SLC1A3: variants seen among roughly 807,000 people sequenced by gnomAD.
SLC1A3 encodes excitatory amino acid transporter 1.
Under a neutral mutation model 48.1 loss-of-function variants are expected in SLC1A3, and 21 were observed. That is an observed-to-expected ratio of 0.44 (90% CI 0.31 to 0.63). The LOEUF (loss-of-function observed/expected upper bound fraction) is 0.63. Among genes scored for constraint, SLC1A3 ranks in the 20% least tolerant of loss-of-function variants. The pLI, the probability that SLC1A3 is intolerant of heterozygous loss-of-function variation, is 0.08. For synonymous variants in SLC1A3, 239 were observed against 251.4 expected (o/e 0.95, Z 0.47); for missense variants, 546 against 689.0 (o/e 0.79, Z 2.32).
intron 2 of SLC1A3, among the ~76,000 whole-genome samples, chr5:36,621,223 A>T (rs1368506448): frequency 2.6e-5 from 4 of 152,062 alleles, no homozygotes; most frequent in African/African-American, 9.7e-5. Flanking sequence ...ATCTTAAAGG[A>T]GGTAAGTGTT....
chr5:36,612,760 G>C (rs570814426), intron 2 of SLC1A3: 1 of 455,678 alleles, frequency 2.2e-6, no homozygotes, highest in Non-Finnish European at 4.4e-6. Flanking sequence ...AAAAACTGAA[G>C]CCCAAATCCT....
chr5:36,666,814 C>T (rs1195659159), intron 3 of SLC1A3, among the ~76,000 whole-genome samples: 1 of 152,140 alleles, frequency 6.6e-6, no homozygotes, highest in Non-Finnish European at 1.5e-5. Context: ...TACACATTTC[C>T]AAAACATTCC....
chr5:36,609,173 T>C, intron 2 of SLC1A3: 3 of 985,206 alleles, frequency 3.0e-6, no homozygotes, highest in Non-Finnish European at 3.6e-6. Flanking sequence ...TTCATTGCTT[T>C]GCAGAGCCTG....
intron 5 of SLC1A3, 67 bp from the exon 6 acceptor site, chr5:36,676,825 C>A: frequency 8.0e-7 from 1 of 1,246,366 alleles, no homozygotes; most frequent in Non-Finnish European, 1.1e-6. Flanking sequence ...GAAAATTTGA[C>A]AATAGGAAAA....
At chr5:36,632,974 A>G (rs1304207050) in intron 3 of SLC1A3, among the ~76,000 whole-genome samples, 1 of 152,116 alleles carries the variant, frequency 6.6e-6, no homozygotes, top group African/African-American at 2.4e-5. Context: ...CTAGATTTGT[A>G]CTCAAGTACC....
intron 7 of SLC1A3, among the ~76,000 whole-genome samples, 171 bp downstream of exon 7, chr5:36,680,031 G>A (rs1310514778): frequency 4.6e-5 from 7 of 152,176 alleles, no homozygotes. Flanking sequence ...GGAAATGCCT[G>A]GCTACATATC....
chr5:36,638,336 G>T (rs1199990980), intron 3 of SLC1A3, among the ~76,000 whole-genome samples: 1 of 152,126 alleles, frequency 6.6e-6, no homozygotes, highest in East Asian at 1.9e-4. Flanking sequence ...CAGCTTTATT[G>T]CCTGCTGCTC....
At chr5:36,621,528 A>C (rs938192766) in intron 2 of SLC1A3, among the ~76,000 whole-genome samples, 4 of 152,188 alleles carry the variant, frequency 2.6e-5, no homozygotes, top group African/African-American at 9.7e-5. Context: ...TAGGCTGGAG[A>C]GAGGTGAAGT....
At chr5:36,601,104 C>A (rs1196082720) in intron 1 of SLC1A3, among the ~76,000 whole-genome samples, 1 of 152,208 alleles carries the variant, frequency 6.6e-6, no homozygotes, top group Admixed American at 6.5e-5. Flanking sequence ...GTGATGGCAA[C>A]TTTGAGCTGT....
Position 36,652,307 on chromosome 5 carries a change from C to T in SLC1A3, c.320-18722C>T, listed in dbSNP as rs13168598. On this transcript the variant is annotated intron_variant, in intron 3 of 9. Coordinates refer to ENST00000265113, the MANE Select transcript of SLC1A3 (RefSeq NM_004172.5). ...TTTTGGCACTCCCAGCTCCAAGTGG[C>T]GTGAGCGCACACACACATACACACA... Among the ~76,000 whole-genome samples, 224 of 138,984 alleles carry T rather than the reference C, an allele frequency of 1.6e-3. 2 individuals are homozygous for T. The highest frequency in any genetic ancestry group is 5.3e-3 in the African/African-American group (213 of 39,896). The allele number at this position is 138,984 out of a possible 152,430, so 91.2% of individuals were successfully genotyped here.
chr5:36,632,431 G>A (rs890049884), intron 3 of SLC1A3, among the ~76,000 whole-genome samples: 2 of 152,178 alleles, frequency 1.3e-5, no homozygotes, highest in Non-Finnish European at 2.9e-5. Flanking sequence ...AACTGATAAT[G>A]TGGAATTCAC....
Position 36,686,345 on chromosome 5 carries a change from C to A in SLC1A3, c.*76C>A. 8.9e-7 allele frequency: 1 copy of A among 1,119,962 alleles called. No homozygotes were observed. The highest frequency in any genetic ancestry group is 1.4e-6 in the Non-Finnish European group (1 of 733,068). The allele number at this position is 1,119,962 out of a possible 1,614,324, so 69.4% of individuals were successfully genotyped here. On this transcript the variant is annotated 3_prime_UTR_variant, in exon 10 of 10. Coordinates refer to ENST00000265113, the MANE Select transcript of SLC1A3 (RefSeq NM_004172.5). The stretch of plus-strand genomic sequence containing the variant: ...AAAATCTTTCCATCTCATTACAGCT[C>A]ATTCGCTCCAGCAAGCCCGTCATCT...
At chr5:36,597,318 C>G (rs1738755960) in intron 1 of SLC1A3, among the ~76,000 whole-genome samples, 2 of 126,644 alleles carry the variant, frequency 1.6e-5, no homozygotes, top group Non-Finnish European at 3.1e-5. Flanking sequence ...GCGATCTCGG[C>G]TCACTGCAAG....
chr5:36,670,933 G>A lies in SLC1A3; in HGVS notation c.320-96G>A, dbSNP rs565440354. The A allele has an allele frequency of 9.1e-5, 96 of 1,049,834 alleles. No homozygotes were observed. The South Asian group carries it at 1.3e-3, about 14-fold the overall frequency. 65.0% of individuals were successfully genotyped at this position (1,049,834 alleles called of 1,614,324 possible). ...GAAATCCCATGGCTGGGTGGGATAA[G>A]GGTAGGGGAGTATAAAGGAAATGCT... On this transcript the variant is annotated intron_variant, in intron 3 of 9. Coordinates refer to ENST00000265113, the MANE Select transcript of SLC1A3 (RefSeq NM_004172.5).
rs898777962 is a variant in SLC1A3, at chr5:36,652,694, C to G, written c.320-18335C>G. On this transcript the variant is annotated intron_variant, in intron 3 of 9. Coordinates refer to ENST00000265113, the MANE Select transcript of SLC1A3 (RefSeq NM_004172.5). ...ACCCAATATATCTATGTATTACTAACACTGCTGTCTCACATGGCTTTATTC... is the reference window on the plus strand; with the variant it reads ...ACCCAATATATCTATGTATTACTAAGACTGCTGTCTCACATGGCTTTATTC... 2.2e-4 allele frequency among the ~76,000 whole-genome samples: 33 copies of G among 152,332 alleles called. 1 individual carries two copies. The highest frequency in any genetic ancestry group is 7.5e-4 in the African/African-American group (31 of 41,572).
intron 3 of SLC1A3, among the ~76,000 whole-genome samples, chr5:36,656,880 A>G (rs1038084447): frequency 1.3e-5 from 2 of 152,238 alleles, no homozygotes; most frequent in Non-Finnish European, 2.9e-5. Flanking sequence ...AATCACTGAT[A>G]TGTTATTCCA....
intron 3 of SLC1A3, among the ~76,000 whole-genome samples, chr5:36,630,727 C>T (rs1157869644): frequency 1.3e-5 from 2 of 152,198 alleles, no homozygotes; most frequent in Non-Finnish European, 2.9e-5. Context: ...CTGGCTATTA[C>T]TTAGACAGGA....
intron 3 of SLC1A3, 153 bp from the exon 4 acceptor site, chr5:36,670,876 G>A: frequency 1.4e-6 from 1 of 711,726 alleles, no homozygotes; most frequent in Middle Eastern, 3.7e-4. Context: ...TTCACCTTGT[G>A]AGATTTGGGG....
Position 36,677,164 on chromosome 5 carries a change from A to T in SLC1A3, c.840A>T (p.Arg280Ser). 6.2e-7 allele frequency: 1 copy of T among 1,613,848 alleles called. No individual in the cohort carries two copies. The highest frequency in any genetic ancestry group is 8.5e-7 in the Non-Finnish European group (1 of 1,179,726). The change falls in exon 6 of 10, where the codon AGA (arginine) becomes AGT (serine). Residue 280 changes from arginine to serine, a missense_variant. Arg to Ser is a moderately radical substitution (Grantham distance 110). Coordinates refer to ENST00000265113, the MANE Select transcript of SLC1A3 (RefSeq NM_004172.5). ...ATTCTCTTAACGAAGCCATCATGAGACTGGTAGCAGTAATAATGTGGTATG... is the reference window on the plus strand; with the variant it reads ...ATTCTCTTAACGAAGCCATCATGAGTCTGGTAGCAGTAATAATGTGGTATG... ...FFDSLNEAIMRLVAVIMWYAP... is the reference protein window; with the variant it reads ...FFDSLNEAIMSLVAVIMWYAP...
Sources: gnomAD v4.1 joint callset for allele counts (sites outside exome capture counted in the v4.1 genomes callset) on GRCh38, gnomAD v4.1.1 for gene constraint, MANE v1.5 for transcripts, NCBI Gene and HGNC (gene_info 2026-07-23, HGNC 2026-07-21) for gene names.